Variants in RANBP17 observed in about 807,000 individuals in gnomAD.
RANBP17 encodes the protein RAN binding protein 17.
Under a neutral mutation model 141.2 loss-of-function variants are expected in RANBP17, and 158 were observed. That is an observed-to-expected ratio of 1.12 (90% CI 0.98 to 1.28). RANBP17 has a LOEUF of 1.28. RANBP17 is among the 50% of genes most tolerant of loss of function. The probability of loss-of-function intolerance (pLI) is 0.00; values close to 1 mark genes in which losing one functional copy is unlikely to be tolerated. For missense variants in RANBP17, 1,438 were observed against 1,290.7 expected, an observed-to-expected ratio of 1.11 and a Z score of -1.75; for synonymous variants, 430 against 450.0, an observed-to-expected ratio of 0.96 and a Z score of 0.56.
chr5:170,960,613 G>A (rs1309929866), intron 13 of RANBP17, among the ~76,000 whole-genome samples: 3 of 152,154 alleles, frequency 2.0e-5, no homozygotes, highest in African/African-American at 4.8e-5. Flanking sequence ...TCCTCTGCCA[G>A]TTTAGCTACT....
chr5:170,960,087 T>C (rs1283872688), intron 13 of RANBP17, among the ~76,000 whole-genome samples: 7 of 152,232 alleles, frequency 4.6e-5, no homozygotes, highest in Non-Finnish European at 1.5e-5. Flanking sequence ...TTATTACCTC[T>C]TGATGTTGTT....
At chr5:171,273,166 T>C (rs754254847) in intron 25 of RANBP17, among the ~76,000 whole-genome samples, 3 of 152,210 alleles carry the variant, frequency 2.0e-5, no homozygotes, top group Non-Finnish European at 4.4e-5. Flanking sequence ...CTCTCTCCCG[T>C]ATCCAGCACA....
chr5:170,871,361 C>G (rs533065993), intron 1 of RANBP17, among the ~76,000 whole-genome samples: 20 of 152,208 alleles, frequency 1.3e-4, no homozygotes, highest in Non-Finnish European at 1.2e-4. Context: ...CATTTGCCCA[C>G]TTTTTGATGG....
At chr5:171,286,378 T>C (rs1469082871) in intron 25 of RANBP17, among the ~76,000 whole-genome samples, 1 of 152,300 alleles carries the variant, frequency 6.6e-6, no homozygotes, top group East Asian at 1.9e-4. Context: ...TCTTGTTTTT[T>C]TAAAAGAGAG....
chr5:171,195,467 A>C (rs563319179), intron 18 of RANBP17, among the ~76,000 whole-genome samples: 1 of 152,350 alleles, frequency 6.6e-6, no homozygotes, highest in South Asian at 2.1e-4. Context: ...CGTTGCAATC[A>C]CAGGAACAGT....
intron 14 of RANBP17, among the ~76,000 whole-genome samples, chr5:171,055,186 C>T (rs1783259517): frequency 6.6e-6 from 1 of 152,140 alleles, no homozygotes; most frequent in African/African-American, 2.4e-5. Context: ...TAGCTGATTC[C>T]TGTTTGTCCA....
At chr5:171,219,344 T>C (rs974560506) in intron 21 of RANBP17, among the ~76,000 whole-genome samples, 2 of 152,186 alleles carry the variant, frequency 1.3e-5, no homozygotes, top group African/African-American at 4.8e-5. Context: ...CGTTTCAACC[T>C]TGGAGAATCT....
chr5:171,033,671 G>A (rs1055462971), intron 14 of RANBP17, among the ~76,000 whole-genome samples: 5 of 152,046 alleles, frequency 3.3e-5, no homozygotes, highest in African/African-American at 1.2e-4. Context: ...TGTTGCCCAG[G>A]CTGGAGGGTA....
At chr5:170,961,957 G>C (rs1776182315) in intron 13 of RANBP17, among the ~76,000 whole-genome samples, 1 of 152,118 alleles carries the variant, frequency 6.6e-6, no homozygotes, top group East Asian at 1.9e-4. Context: ...AGCTAGGTAT[G>C]GCAAAGTGAT....
chr5:171,091,398 G>A (rs1786262899), intron 14 of RANBP17, among the ~76,000 whole-genome samples: 1 of 152,224 alleles, frequency 6.6e-6, no homozygotes, highest in Non-Finnish European at 1.5e-5. Flanking sequence ...TTGTGTCTAG[G>A]AAATAACTAA....
intron 14 of RANBP17, among the ~76,000 whole-genome samples, chr5:171,124,568 A>G (rs1484521994): frequency 6.6e-6 from 1 of 152,172 alleles, no homozygotes; most frequent in African/African-American, 2.4e-5. Flanking sequence ...AGATCACATC[A>G]TAGTCAAACT....
intron 14 of RANBP17, among the ~76,000 whole-genome samples, chr5:171,141,200 G>A (rs1221547529): frequency 6.6e-6 from 1 of 151,984 alleles, no homozygotes; most frequent in Admixed American, 6.6e-5. Flanking sequence ...CTAAATCCAG[G>A]CCAAGATAAG....
At chr5:170,909,889 A>G (rs1040653721) in intron 6 of RANBP17, 124 bp downstream of exon 6, 1 of 580,854 alleles carries the variant, frequency 1.7e-6, no homozygotes, top group Non-Finnish European at 3.0e-6. Context: ...GGACAGACTT[A>G]AGTATAGTAA....
At chr5:170,949,513 A>G (rs570605866) in intron 12 of RANBP17, among the ~76,000 whole-genome samples, 1 of 152,330 alleles carries the variant, frequency 6.6e-6, no homozygotes, top group African/African-American at 2.4e-5. Flanking sequence ...AGGCGTATCA[A>G]AATTATAATG....
chr5:170,986,521 A>G (rs1778150833), intron 14 of RANBP17, among the ~76,000 whole-genome samples: 1 of 151,946 alleles, frequency 6.6e-6, no homozygotes, highest in South Asian at 2.1e-4. Context: ...TTTATTACAC[A>G]CTGTATGCCT....
chr5:170,931,059 C>T (rs910517983), intron 12 of RANBP17, among the ~76,000 whole-genome samples: 10 of 152,184 alleles, frequency 6.6e-5, no homozygotes, highest in Non-Finnish European at 1.2e-4. Flanking sequence ...TCTCCACATC[C>T]TCTCCAGCAC....
intron 16 of RANBP17, among the ~76,000 whole-genome samples, chr5:171,180,311 A>G (rs1210984932): frequency 6.6e-6 from 1 of 152,196 alleles, no homozygotes; most frequent in East Asian, 1.9e-4. Context: ...AAAAGACCCT[A>G]TGTTTTAGAG....
chr5:170,894,486 T>TTATATATA (rs3080623), intron 4 of RANBP17, among the ~76,000 whole-genome samples: 16 of 133,314 alleles, frequency 1.2e-4, no homozygotes, highest in African/African-American at 4.7e-4. Flanking sequence ...TACGTGTTTT[T>TTATATATA]TATATATATA....
At chr5:170,920,567 T>C (rs1772365196) in intron 11 of RANBP17, among the ~76,000 whole-genome samples, 1 of 152,058 alleles carries the variant, frequency 6.6e-6, no homozygotes, top group Non-Finnish European at 1.5e-5. Context: ...TCACAAGTCT[T>C]TCTGTTATGT....
Sources: gnomAD v4.1 joint callset for allele counts (sites outside exome capture counted in the v4.1 genomes callset) on GRCh38, gnomAD v4.1.1 for gene constraint, MANE v1.5 for transcripts, NCBI Gene and HGNC (gene_info 2026-07-23, HGNC 2026-07-21) for gene names.